Variants in MED13 observed in about 807,000 individuals in gnomAD.
MED13 encodes mediator of RNA polymerase II transcription subunit 13.
Under a neutral mutation model 225.2 loss-of-function variants are expected in MED13, and 23 were observed. That is an observed-to-expected ratio of 0.10 (90% confidence interval 0.07 to 0.14). The LOEUF (loss-of-function observed/expected upper bound fraction) is 0.14, where lower values mean the gene tolerates loss of function less well. Ranked by LOEUF, MED13 falls within the 10% of genes least tolerant of loss-of-function variation. The pLI is 1.00. For missense variants in MED13, 2,197 were observed against 2,594.5 expected (o/e 0.85, Z 3.33); for synonymous variants, 942 against 889.2 (o/e 1.06, Z -1.06).
Position 62,029,670 on chromosome 17 carries a change from A to C in MED13, c.1173-19T>G. 1 of 1,584,678 alleles carries C rather than the reference A, an allele frequency of 6.3e-7. No individual in the cohort carries two copies. The highest frequency in any genetic ancestry group is 2.2e-5 in the East Asian group (1 of 44,572). ...CTTCCTCCTAAGATTTAAAGTTACA[A>C]AATTCTTTAAAATTCATAAAATTTT... On this transcript the variant is annotated intron_variant, in intron 7 of 29. Transcript: ENST00000397786.
intron 9 of MED13, among the ~76,000 whole-genome samples, chr17:61,998,399 T>C (rs1466994391): frequency 6.6e-6 from 1 of 152,166 alleles, no homozygotes; most frequent in Non-Finnish European, 1.5e-5. Context: ...ACTATGACAA[T>C]AACATACTAT....
chr17:62,037,522 G>A lies in MED13; in HGVS notation c.471-1914C>T, dbSNP rs558239128. Reference sequence around the variant, plus strand: ...TCTACTAAAAATACAAAAATTAGCCGGAGGTGCAGTGGTATGCGCCTGTAA... The same window carrying A: ...TCTACTAAAAATACAAAAATTAGCCAGAGGTGCAGTGGTATGCGCCTGTAA... On this transcript the variant is annotated intron_variant, in intron 3 of 29. Coordinates refer to ENST00000397786, the MANE Select transcript of MED13 (RefSeq NM_005121.3). Among the ~76,000 whole-genome samples the A allele has an allele frequency of 7.3e-5, 11 of 150,360 alleles. No individual in the cohort carries two copies. In the South Asian group the frequency reaches 1.1e-3, roughly 14 times the overall value.
At chr17:62,031,275 T>C in intron 6 of MED13, 169 bp downstream of exon 6, 1 of 575,432 alleles carries the variant, frequency 1.7e-6, no homozygotes, top group South Asian at 2.6e-5. Context: ...ACAGACAGGG[T>C]GATGGAGTAA....
In MED13 at chr17:61,980,652, A is replaced by G. The variant is rs146695654; in HGVS notation, c.3805+1546T>C. The stretch of plus-strand genomic sequence containing the variant: ...GCTGGCCTCTTATCTTGTCTAAGCT[A>G]CCATCATCTTTCACCTAAGCTACTG... On this transcript the variant is annotated intron_variant, in intron 16 of 29. Coordinates refer to ENST00000397786, the MANE Select transcript of MED13 (RefSeq NM_005121.3). 4.1e-3 allele frequency among the ~76,000 whole-genome samples: 630 copies of G among 152,204 alleles called. 3 individuals are homozygous for G. The highest frequency in any genetic ancestry group is 7.4e-3 in the Non-Finnish European group (503 of 68,002).
chr17:62,031,643 A>G lies in MED13; in HGVS notation c.815-5T>C, dbSNP rs1328695327. The G allele has an allele frequency of 1.3e-6, 2 of 1,536,076 alleles. No homozygotes were observed. The highest frequency in any genetic ancestry group is 1.8e-6 in the Non-Finnish European group (2 of 1,139,548). The stretch of plus-strand genomic sequence containing the variant: ...GGTAGATCATTCGGACACCAGCTGA[A>G]AGGAAAAAAATGGGACAGGAAAACC... On this transcript the variant is annotated splice_polypyrimidine_tract_variant and splice_region_variant and intron_variant, in intron 5 of 29. Transcript: ENST00000397786.
At chr17:61,998,678 C>T (rs997024292) in intron 9 of MED13, among the ~76,000 whole-genome samples, 2 of 145,136 alleles carry the variant, frequency 1.4e-5, no homozygotes, top group East Asian at 4.4e-4. Flanking sequence ...CAGCTCACTA[C>T]AACCTCCACC....
At chr17:61,958,268 A>C (rs1290715793) in intron 23 of MED13, among the ~76,000 whole-genome samples, 1 of 144,112 alleles carries the variant, frequency 6.9e-6, no homozygotes, top group Non-Finnish European at 1.5e-5. Context: ...CCTGGGTTCA[A>C]GCTATTCTCC....
At chr17:61,965,491 A>C in intron 19 of MED13, 23 bp from the exon 20 acceptor site, 2 of 1,580,418 alleles carry the variant, frequency 1.3e-6, no homozygotes, top group South Asian at 2.3e-5. Flanking sequence ...AACAGGTACG[A>C]AATTTAATTC....
intron 23 of MED13, among the ~76,000 whole-genome samples, chr17:61,957,348 A>T (rs774138528): frequency 6.8e-6 from 1 of 146,572 alleles, no homozygotes; most frequent in Admixed American, 6.8e-5. Context: ...TGGCCCAGTA[A>T]ACTTTTTATT....
chr17:62,000,539 G>A (rs78903473), intron 9 of MED13, among the ~76,000 whole-genome samples: 24,403 of 152,068 alleles, frequency 0.16, 2,396 homozygotes, highest in East Asian at 0.5. Flanking sequence ...AAGATAACAA[G>A]TACTATTTCT....
At chr17:62,004,935 T>TGTCGCCCAGGCTGGAGTGC (rs2080431877) in intron 9 of MED13, 1 of 151,336 alleles carries the variant, frequency 6.6e-6, no homozygotes, top group Non-Finnish European at 1.5e-5. Flanking sequence ...AGTCTCGCTC[T>TGTCGCCCAGGCTGGAGTGC]GTCGCCCAGG....
intron 8 of MED13, among the ~76,000 whole-genome samples, chr17:62,026,478 T>TAAAAAAA (rs377190736): frequency 1.6e-5 from 2 of 122,638 alleles, no homozygotes; most frequent in Non-Finnish European, 1.7e-5. Flanking sequence ...TATTTATCAT[T>TAAAAAAA]AAAAAAAAAA....
intron 5 of MED13, chr17:62,032,449 G>T (rs542165670): frequency 7.0e-6 from 1 of 143,694 alleles, no homozygotes; most frequent in Non-Finnish European, 1.5e-5. Flanking sequence ...ACTCCAGCCT[G>T]AGCAGCGACA....
intron 16 of MED13, among the ~76,000 whole-genome samples, chr17:61,973,843 C>T (rs2080129931): frequency 6.6e-6 from 1 of 151,948 alleles, no homozygotes; most frequent in African/African-American, 2.4e-5. Flanking sequence ...CTTAGCCAGG[C>T]ATGGTGGCAC....
At position 62,065,257 on chromosome 17, in the gene MED13, C is replaced by G. The variant is rs746430239; in HGVS notation, c.-52G>C. On this transcript the variant is annotated 5_prime_UTR_variant, in exon 1 of 30. Transcript: ENST00000397786. Reference sequence around the variant, plus strand: ...GCCACAACCCACCATCCGCCATTACCGCCGCCTCCGACCAGAGAGAGAAAC... The same window carrying G: ...GCCACAACCCACCATCCGCCATTACGGCCGCCTCCGACCAGAGAGAGAAAC... 7.1e-7 allele frequency: 1 copy of G among 1,417,546 alleles called. No homozygotes were observed. Among genetic ancestry groups the G allele is most frequent in the Non-Finnish European group, 9.6e-7 (1 of 1,044,266 alleles). 87.8% of individuals were successfully genotyped at this position (1,417,546 alleles called of 1,614,324 possible). A position where few individuals can be genotyped will look rare whatever the true frequency, so the allele number is the denominator to read the frequency against.
Position 62,035,642 on chromosome 17 carries a change from G to A in MED13, c.471-34C>T, listed in dbSNP as rs761860118. The A allele has an allele frequency of 1.5e-5, 24 of 1,576,692 alleles. No homozygotes were observed. The South Asian group carries it at 2.8e-4, about 19-fold the overall frequency. On this transcript the variant is annotated intron_variant, in intron 3 of 29. Transcript: ENST00000397786. ...GAAGAAAAAGTTTTATCTTAGTGATGACTAGTGGCCAAAAATGTTAACTTG... is the reference window on the plus strand; with the variant it reads ...GAAGAAAAAGTTTTATCTTAGTGATAACTAGTGGCCAAAAATGTTAACTTG...
intron 9 of MED13, among the ~76,000 whole-genome samples, chr17:62,008,016 C>CAAAAAAAAAAAAAAAAAAAAAAAAAAA (rs60236710): frequency 5.9e-5 from 3 of 50,508 alleles, no homozygotes; most frequent in African/African-American, 2.0e-4. Context: ...GAGACTGTCT[C>CAAAAAAAAAAAAAAAAAAAAAAAAAAA]AAAAAAAAAA....
At chr17:62,000,594 A>G (rs1462901159) in intron 9 of MED13, among the ~76,000 whole-genome samples, 2 of 152,242 alleles carry the variant, frequency 1.3e-5, no homozygotes, top group South Asian at 2.1e-4. Context: ...ATGCCAGCAT[A>G]TATGTATGCA....
At chr17:62,012,858 T>A (rs1191136286) in intron 8 of MED13, among the ~76,000 whole-genome samples, 1 of 151,476 alleles carries the variant, frequency 6.6e-6, no homozygotes, top group Non-Finnish European at 1.5e-5. Flanking sequence ...AGTGGTGCAA[T>A]CTTGGCTCAC....
Sources: gnomAD v4.1 joint callset for allele counts (sites outside exome capture counted in the v4.1 genomes callset) on GRCh38, gnomAD v4.1.1 for gene constraint, MANE v1.5 for transcripts, NCBI Gene and HGNC (gene_info 2026-07-23, HGNC 2026-07-21) for gene names.